The following BCAP31 variants were observed in gnomAD, a reference collection of about 807,000 sequenced individuals.
BCAP31 encodes the protein B cell receptor associated protein 31.
For missense variants in BCAP31, 124 were observed against 193.0 expected (o/e 0.64, Z 2.12); for synonymous variants, 75 against 80.9 (o/e 0.93, Z 0.39).
intron 3 of BCAP31, among the ~76,000 whole-genome samples, chrX:153,718,341 A>G (rs2091643286): frequency 9.8e-6 from 1 of 101,920 alleles, no homozygotes; most frequent in Non-Finnish European, 2.0e-5. Context: ...AAAAAAAAAG[A>G]TGTCTAACGT....
intron 1 of BCAP31, chrX:153,723,985 C>T (rs1557051725): frequency 4.9e-6 from 2 of 409,943 alleles, no homozygotes; most frequent in Non-Finnish European, 9.1e-6. Context: ...AAGTTCTAGA[C>T]GCAGTATCCT....
rs1265855747 is a variant in BCAP31, at chrX:153,700,799, C to T, written c.*138G>A. The T allele has an allele frequency of 4.7e-5, 27 of 571,524 alleles. No individual in the cohort carries two copies. The highest frequency in any genetic ancestry group is 1.4e-4 in the African/African-American group (6 of 42,573). The allele number at this position is 571,524 out of a possible 1,213,427, so 47.1% of individuals were successfully genotyped here. ...AGAGTGTGGACAAGGGCCGAGATGA[C>T]GAGCTATGAGCTGTGGAAGGGAATG... On this transcript the variant is annotated 3_prime_UTR_variant, in exon 8 of 8. Coordinates refer to ENST00000345046, the MANE Select transcript of BCAP31 (RefSeq NM_001256447.2).
rs2091652948 is a variant in BCAP31, at chrX:153,719,846, A to G, written c.193+1026T>C. Among the ~76,000 whole-genome samples, 4 of 111,569 alleles carry G rather than the reference A, an allele frequency of 3.6e-5. No individual in the cohort carries two copies. In the Admixed American group the frequency reaches 3.8e-4, roughly 11 times the overall value. On this transcript the variant is annotated intron_variant, in intron 3 of 7. Transcript: ENST00000345046. Reference sequence around the variant, plus strand: ...GGTCACCCTACCACCTCATTGCAAAATGTCTGCCTTTCATCTTACCACCAC... The same window carrying G: ...GGTCACCCTACCACCTCATTGCAAAGTGTCTGCCTTTCATCTTACCACCAC...
chrX:153,711,608 A>G (rs3819637), intron 4 of BCAP31, among the ~76,000 whole-genome samples: 2 of 112,551 alleles, frequency 1.8e-5, no homozygotes, highest in Non-Finnish European at 3.8e-5. Context: ...CATAAAGAAC[A>G]TGGAAAGAAA....
intron 2 of BCAP31, among the ~76,000 whole-genome samples, chrX:153,721,761 G>A (rs2148384782): frequency 9.2e-6 from 1 of 108,514 alleles, no homozygotes; most frequent in African/African-American, 3.4e-5. Context: ...AGCTGGGCAT[G>A]TTGGCAGGCA....
intron 1 of BCAP31, chrX:153,724,035 A>C (rs2091689437): frequency 3.0e-6 from 1 of 337,216 alleles, no homozygotes; most frequent in Admixed American, 3.1e-5. Flanking sequence ...CGCGGGCCCC[A>C]GCGCCCACCC....
intron 4 of BCAP31, among the ~76,000 whole-genome samples, chrX:153,711,884 GAC>G (rs1162693885): frequency 4.9e-5 from 4 of 81,898 alleles, no homozygotes; most frequent in Non-Finnish European, 6.7e-5. Context: ...CGGCCTCAGC[GAC>G]ACAGAGAGAC....
chrX:153,722,100 A>C (rs916500075), intron 2 of BCAP31, among the ~76,000 whole-genome samples: 1 of 111,430 alleles, frequency 9.0e-6, no homozygotes, highest in African/African-American at 3.3e-5. Flanking sequence ...TTATGATGAG[A>C]TGGACCCCAG....
intron 4 of BCAP31, among the ~76,000 whole-genome samples, chrX:153,711,127 A>G (rs572718681): frequency 1.5e-4 from 16 of 106,482 alleles, no homozygotes; most frequent in Middle Eastern, 4.7e-3. Context: ...CGATAGTGTT[A>G]CTCCATGGGC....
At chrX:153,716,753 C>CT (rs2091632100) in intron 3 of BCAP31, among the ~76,000 whole-genome samples, 1 of 111,529 alleles carries the variant, frequency 9.0e-6, no homozygotes, top group Non-Finnish European at 1.9e-5. Context: ...GAGCGAGACT[C>CT]TGTCTCGAAA....
chrX:153,716,271 C>T (rs1340968318), intron 3 of BCAP31, among the ~76,000 whole-genome samples: 1 of 110,012 alleles, frequency 9.1e-6, no homozygotes, highest in Admixed American at 9.7e-5. Flanking sequence ...CTGCAGTTCA[C>T]GATGCTAACC....
chrX:153,720,762 C>G, intron 3 of BCAP31, 110 bp downstream of exon 3: 2 of 654,242 alleles, frequency 3.1e-6, no homozygotes, highest in Non-Finnish European at 4.8e-6. Flanking sequence ...TTTCATTGGT[C>G]TGTCTCCTAG....
intron 2 of BCAP31, among the ~76,000 whole-genome samples, chrX:153,721,970 G>A (rs1557051163): frequency 9.0e-6 from 1 of 111,507 alleles, no homozygotes; most frequent in African/African-American, 3.3e-5. Context: ...TCTGAAAAGG[G>A]AAACTTACTT....
At chrX:153,706,184 G>A (rs1247661467) in intron 4 of BCAP31, among the ~76,000 whole-genome samples, 8 of 109,990 alleles carry the variant, frequency 7.3e-5, no homozygotes, top group African/African-American at 1.3e-4. Flanking sequence ...CCTCACAGGC[G>A]CTCCCCACCC....
At chrX:153,716,629 G>A (rs886716089) in intron 3 of BCAP31, among the ~76,000 whole-genome samples, 3 of 108,079 alleles carry the variant, frequency 2.8e-5, no homozygotes, top group African/African-American at 1.0e-4. Flanking sequence ...GCATGGTGCT[G>A]CACACCTGTA....
At chrX:153,704,539 G>C (rs187718320) in intron 4 of BCAP31, among the ~76,000 whole-genome samples, 11 of 112,389 alleles carry the variant, frequency 9.8e-5, no homozygotes, top group Admixed American at 6.6e-4. Flanking sequence ...ACATCTACCT[G>C]ATGAGGAAGT....
chrX:153,701,065 C>T, intron 7 of BCAP31, 90 bp from the exon 8 acceptor site: 3 of 819,619 alleles, frequency 3.7e-6, no homozygotes, highest in Non-Finnish European at 5.3e-6. Flanking sequence ...AGGTCCACCT[C>T]GGTTCCCCTC....
intron 1 of BCAP31, 170 bp from the exon 2 acceptor site, chrX:153,723,458 G>C (rs1557051522): frequency 8.8e-7 from 1 of 1,142,506 alleles, no homozygotes; most frequent in African/African-American, 1.8e-5. Context: ...AGGGCCTCTT[G>C]GCCAGCAGCG....
rs1415305405 is a variant in BCAP31, at chrX:153,721,595, C to T, written c.93-623G>A. 4.9e-5 allele frequency among the ~76,000 whole-genome samples: 5 copies of T among 101,819 alleles called. No individual in the cohort carries two copies. The Admixed American group carries it at 5.4e-4, about 11-fold the overall frequency. 88.4% of individuals were successfully genotyped at this position (101,819 alleles called of 115,157 possible). A position where few individuals can be genotyped will look rare whatever the true frequency, so the allele number is the denominator to read the frequency against. Reference sequence around the variant, plus strand: ...CCCAGCCTGGAAAACTAATCTTAAACGTGGGCAGTTGGCTGGGCGCACTGG... The same window carrying T: ...CCCAGCCTGGAAAACTAATCTTAAATGTGGGCAGTTGGCTGGGCGCACTGG... On this transcript the variant is annotated intron_variant, in intron 2 of 7. Transcript: ENST00000345046.
Sources: allele counts gnomAD v4.1 joint callset (sites outside exome capture counted in the v4.1 genomes callset), GRCh38; gene constraint gnomAD v4.1.1; transcripts MANE v1.5; gene names NCBI Gene and HGNC (gene_info 2026-07-23, HGNC 2026-07-21).